The following PACRG variants were observed in gnomAD, a reference collection of about 807,000 sequenced individuals.
The protein encoded by PACRG is parkin coregulated.
Under a neutral mutation model 29.7 loss-of-function variants are expected in PACRG, and 29 were observed. That is an observed-to-expected ratio of 0.98 (90% CI 0.73 to 1.33). The LOEUF is 1.33. Among genes scored for constraint, PACRG ranks in the 40% most tolerant of loss-of-function variants. The probability of loss-of-function intolerance (pLI) is 0.00; values close to 1 mark genes in which losing one functional copy is unlikely to be tolerated. For synonymous variants in PACRG, 116 were observed against 118.7 expected (o/e 0.98, Z 0.15); for missense variants, 279 against 316.2 (o/e 0.88, Z 0.89).
intron 4 of PACRG, among the ~76,000 whole-genome samples, chr6:163,279,960 T>A (rs1784174490): frequency 6.6e-6 from 1 of 152,148 alleles, no homozygotes; most frequent in Non-Finnish European, 1.5e-5. Flanking sequence ...CGCATCCTTG[T>A]TTTGGGATCT....
At chr6:163,126,893 C>G (rs1816538215) in intron 4 of PACRG, among the ~76,000 whole-genome samples, 1 of 152,196 alleles carries the variant, frequency 6.6e-6, no homozygotes, top group Non-Finnish European at 1.5e-5. Flanking sequence ...TCCAGGCACC[C>G]AGGTAGCACT....
intron 4 of PACRG, among the ~76,000 whole-genome samples, chr6:163,107,771 C>T (rs958166162): frequency 2.0e-5 from 3 of 152,206 alleles, no homozygotes; most frequent in African/African-American, 7.2e-5. Context: ...TCCAAATGTA[C>T]AAGGACTCAA....
At chr6:163,269,768 GAC>G (rs879930515) in intron 4 of PACRG, among the ~76,000 whole-genome samples, 5,875 of 104,178 alleles carry the variant, frequency 0.056, 830 homozygotes, top group African/African-American at 0.092. Flanking sequence ...GAGAGAGACA[GAC>G]AGACAGACAG....
At chr6:163,099,212 C>G (rs1814864848) in intron 4 of PACRG, among the ~76,000 whole-genome samples, 1 of 152,208 alleles carries the variant, frequency 6.6e-6, no homozygotes, top group Non-Finnish European at 1.5e-5. Flanking sequence ...GACAAAATGA[C>G]TGGGTTGTGG....
At chr6:163,131,885 C>T (rs978445791) in intron 4 of PACRG, among the ~76,000 whole-genome samples, 2 of 152,176 alleles carry the variant, frequency 1.3e-5, no homozygotes, top group African/African-American at 2.4e-5. Flanking sequence ...TCAATAGGCA[C>T]GTGTTGAATG....
At chr6:163,046,331 G>T (rs1333611214) in intron 2 of PACRG, among the ~76,000 whole-genome samples, 1 of 94,080 alleles carries the variant, frequency 1.1e-5, no homozygotes, top group Admixed American at 1.2e-4. Flanking sequence ...CGTAGCCTTG[G>T]TATGTACCCT....
At chr6:162,766,019 A>C (rs1782762020) in intron 1 of PACRG, among the ~76,000 whole-genome samples, 2 of 152,218 alleles carry the variant, frequency 1.3e-5, no homozygotes, top group Admixed American at 1.3e-4. Flanking sequence ...GGAATGATCA[A>C]ATCAGGCTCA....
intron 2 of PACRG, among the ~76,000 whole-genome samples, chr6:163,002,719 C>A (rs1804699585): frequency 6.6e-6 from 1 of 152,136 alleles, no homozygotes; most frequent in Non-Finnish European, 1.5e-5. Flanking sequence ...GAAAAGATTA[C>A]TGTAGATAAT....
chr6:163,001,438 G>GT (rs1387896133), intron 2 of PACRG, among the ~76,000 whole-genome samples: 3 of 152,126 alleles, frequency 2.0e-5, no homozygotes, highest in Admixed American at 6.5e-5. Flanking sequence ...TGAGCCAAGA[G>GT]TTTTTTATAA....
intron 4 of PACRG, among the ~76,000 whole-genome samples, chr6:163,128,880 C>T (rs923167460): frequency 9.9e-5 from 15 of 152,166 alleles, no homozygotes; most frequent in Middle Eastern, 3.4e-3. Context: ...TTCTAAAGAA[C>T]GTATAATAAA....
chr6:163,187,607 C>T (rs1780008640), intron 4 of PACRG: 2 of 152,478 alleles, frequency 1.3e-5, no homozygotes, highest in South Asian at 4.1e-4. Flanking sequence ...CCGAATCCCA[C>T]CTTTTCTACT....
chr6:162,875,677 G>C (rs1007904438), intron 2 of PACRG, among the ~76,000 whole-genome samples: 28 of 152,314 alleles, frequency 1.8e-4, no homozygotes, highest in African/African-American at 6.7e-4. Flanking sequence ...TCCAAGGCTG[G>C]TTTTCCCCCA....
At chr6:162,938,619 A>C (rs577942323) in intron 2 of PACRG, among the ~76,000 whole-genome samples, 1 of 152,324 alleles carries the variant, frequency 6.6e-6, no homozygotes, top group South Asian at 2.1e-4. Context: ...TCCCACCAGC[A>C]GTGTAGAAGT....
chr6:162,824,755 T>C (rs1037810020), intron 2 of PACRG, among the ~76,000 whole-genome samples: 12 of 152,238 alleles, frequency 7.9e-5, no homozygotes, highest in African/African-American at 2.9e-4. Flanking sequence ...CTCTGTAACC[T>C]GCATAATATG....
chr6:163,136,908 A>G (rs1391924096), intron 4 of PACRG, among the ~76,000 whole-genome samples: 3 of 152,256 alleles, frequency 2.0e-5, no homozygotes, highest in African/African-American at 7.2e-5. Context: ...AAATGCGTTA[A>G]CAACATAGAA....
intron 2 of PACRG, among the ~76,000 whole-genome samples, chr6:162,821,544 G>A (rs1360789481): frequency 6.6e-6 from 1 of 152,164 alleles, no homozygotes; most frequent in Non-Finnish European, 1.5e-5. Flanking sequence ...TCTTGGTAGT[G>A]TTAAGGGTGC....
At chr6:163,312,776 C>G in intron 4 of PACRG, 1 of 441,050 alleles carries the variant, frequency 2.3e-6, no homozygotes. Flanking sequence ...GTTTTTGAGA[C>G]AGGGTCTTAC....
intron 2 of PACRG, among the ~76,000 whole-genome samples, chr6:162,947,364 A>ATATATATCATATATG (rs373909688): frequency 1.8e-5 from 1 of 55,594 alleles, no homozygotes; most frequent in African/African-American, 6.9e-5. Context: ...TATATAATGT[A>ATATATATCATATATG]ATCATATATA....
At chr6:162,749,448 T>C (rs376818704) in intron 1 of PACRG, among the ~76,000 whole-genome samples, 2 of 152,350 alleles carry the variant, frequency 1.3e-5, no homozygotes, top group South Asian at 2.1e-4. Context: ...TTTATACTTA[T>C]TACAGAGTAT....
Sources: gnomAD v4.1 joint callset for allele counts (sites outside exome capture counted in the v4.1 genomes callset) on GRCh38, gnomAD v4.1.1 for gene constraint, MANE v1.5 for transcripts, NCBI Gene and HGNC (gene_info 2026-07-23, HGNC 2026-07-21) for gene names.